CRIM1: variants seen among roughly 807,000 people sequenced by gnomAD.
CRIM1 encodes the protein cysteine-rich motor neuron 1 protein.
CRIM1 carries 32 observed loss-of-function variants against 116.4 expected under a neutral mutation model. The ratio of observed to expected loss-of-function variants is 0.27; its 90% confidence interval spans 0.21 to 0.37. The LOEUF is 0.37. Ranked by LOEUF, CRIM1 falls within the 10% of genes least tolerant of loss-of-function variation. The probability of loss-of-function intolerance (pLI) is 1.00; values close to 1 mark genes in which losing one functional copy is unlikely to be tolerated. For missense variants in CRIM1, 1,331 were observed against 1,354.8 expected, an observed-to-expected ratio of 0.98 and a Z score of 0.28; for synonymous variants, 590 against 509.2, an observed-to-expected ratio of 1.16 and a Z score of -2.13.
intron 8 of CRIM1, 106 bp from the exon 9 acceptor site, chr2:36,509,877 A>G (rs1681694098): frequency 2.0e-6 from 2 of 986,156 alleles, no homozygotes; most frequent in Admixed American, 2.4e-5. Context: ...GAGCTGAGAA[A>G]TTGAGATCTG....
chr2:36,451,912 T>C (rs1362418800), intron 4 of CRIM1, among the ~76,000 whole-genome samples: 1 of 139,642 alleles, frequency 7.2e-6, no homozygotes, highest in Non-Finnish European at 1.5e-5. Context: ...CATCAAATAA[T>C]ATTTCCTGTA....
chr2:36,379,654 G>A (rs1362721090), intron 1 of CRIM1, among the ~76,000 whole-genome samples: 2 of 151,890 alleles, frequency 1.3e-5, no homozygotes, highest in Admixed American at 1.3e-4. Context: ...CTAGTGTTGG[G>A]TCTTAGTAAA....
chr2:36,440,924 A>G (rs1464707485), intron 2 of CRIM1, among the ~76,000 whole-genome samples: 2 of 152,188 alleles, frequency 1.3e-5, no homozygotes, highest in African/African-American at 4.8e-5. Flanking sequence ...TCAGTTACTC[A>G]AGGAATGGGT....
At chr2:36,457,448 A>T (rs1300981553) in intron 4 of CRIM1, among the ~76,000 whole-genome samples, 1 of 152,154 alleles carries the variant, frequency 6.6e-6, no homozygotes, top group Non-Finnish European at 1.5e-5. Context: ...TACACAGGGG[A>T]GGGATGGCTG....
intron 2 of CRIM1, among the ~76,000 whole-genome samples, chr2:36,413,929 C>T (rs925068372): frequency 3.9e-5 from 6 of 152,132 alleles, no homozygotes; most frequent in African/African-American, 7.2e-5. Flanking sequence ...CAGAATGAAA[C>T]GGTGAGATCC....
At chr2:36,445,902 A>G (rs182387443) in intron 4 of CRIM1, among the ~76,000 whole-genome samples, 167 of 152,348 alleles carry the variant, frequency 1.1e-3, no homozygotes, top group Non-Finnish European at 2.0e-3. Context: ...ATATTTAGGC[A>G]TAAAGAAGAA....
Position 36,441,402 on chromosome 2 carries a change from G to A in CRIM1, c.650G>A (p.Cys217Tyr). ...CGCTGCGTGTGCAACCCCGCAGGCT[G>A]TCTGCGCAAAGTCTGCCAGCCGGGA... Reference protein sequence around the residue: ...PSRCVCNPAGCLRKVCQPGNL... With the variant: ...PSRCVCNPAGYLRKVCQPGNL... Residue 217 changes from cysteine to tyrosine, a missense_variant, in exon 3 of 17, where the codon TGT becomes TAT. Transcript: ENST00000280527. 6.2e-7 allele frequency: 1 copy of A among 1,614,198 alleles called. No individual in the cohort carries two copies. Among genetic ancestry groups the A allele is most frequent in the Non-Finnish European group, 8.5e-7 (1 of 1,180,044 alleles).
Position 36,425,892 on chromosome 2 carries a change from A to C in CRIM1, c.506-15366A>C, listed in dbSNP as rs917573459. On this transcript the variant is annotated intron_variant, in intron 2 of 16. Transcript: ENST00000280527. Reference sequence around the variant, plus strand: ...TCAGTTATTTATGAAACAGTGACCCAGAGGATCCATGTCATGTAGTGGTTT... The same window carrying C: ...TCAGTTATTTATGAAACAGTGACCCCGAGGATCCATGTCATGTAGTGGTTT... 2.6e-5 allele frequency among the ~76,000 whole-genome samples: 4 copies of C among 152,252 alleles called. No homozygotes were observed. In the East Asian group the frequency reaches 7.7e-4, roughly 29 times the overall value.
At chr2:36,390,284 GA>G in intron 1 of CRIM1, among the ~76,000 whole-genome samples, 1 of 152,254 alleles carries the variant, frequency 6.6e-6, no homozygotes, top group East Asian at 1.9e-4. Context: ...GAGCTGTTGG[GA>G]AAAAATAGGG....
At chr2:36,546,952 G>A (rs1251539156) in intron 15 of CRIM1, 32 bp from the exon 16 acceptor site, 7 of 1,269,934 alleles carry the variant, frequency 5.5e-6, no homozygotes, top group Admixed American at 4.2e-5. Flanking sequence ...TCTGGTTTAG[G>A]TAATAAATGC....
chr2:36,448,992 A>G (rs1222193274), intron 4 of CRIM1, among the ~76,000 whole-genome samples: 1 of 147,784 alleles, frequency 6.8e-6, no homozygotes, highest in Non-Finnish European at 1.5e-5. Flanking sequence ...CAAAAATCCT[A>G]TTTTATTTTT....
At chr2:36,431,062 C>CTG (rs150141795) in intron 2 of CRIM1, among the ~76,000 whole-genome samples, 14 of 151,658 alleles carry the variant, frequency 9.2e-5, no homozygotes, top group African/African-American at 1.7e-4. Flanking sequence ...TGTAAGAGGA[C>CTG]TGTGTGTGTG....
intron 2 of CRIM1, among the ~76,000 whole-genome samples, chr2:36,437,459 C>T (rs927737688): frequency 1.3e-5 from 2 of 151,838 alleles, no homozygotes; most frequent in Non-Finnish European, 2.9e-5. Flanking sequence ...ATGAACATTA[C>T]TCAAGTTTAT....
intron 2 of CRIM1, among the ~76,000 whole-genome samples, chr2:36,417,646 C>T (rs1026380951): frequency 2.0e-5 from 3 of 152,052 alleles, no homozygotes; most frequent in Admixed American, 6.6e-5. Context: ...ATATGAAGAT[C>T]CAGAATAAAT....
At position 36,524,448 on chromosome 2, in the gene CRIM1, C is replaced by A. The variant is rs183606141; in HGVS notation, c.2428+2135C>A. Among the ~76,000 whole-genome samples the A allele has an allele frequency of 5.1e-3, 772 of 151,608 alleles. 5 individuals carry two copies. Among genetic ancestry groups the A allele is most frequent in the African/African-American group, 0.018 (746 of 41,314 alleles). ...TATATATCAAAACTTTTTTTTTTAA[C>A]TTTTTAAGTTCAGAGGTACAAGTGC... On this transcript the variant is annotated intron_variant, in intron 13 of 16. Transcript: ENST00000280527.
intron 7 of CRIM1, among the ~76,000 whole-genome samples, chr2:36,492,076 T>C (rs1036392912): frequency 5.9e-5 from 9 of 152,158 alleles, no homozygotes; most frequent in Non-Finnish European, 1.3e-4. Context: ...TCCTATTAAA[T>C]ATGTTTTTGG....
intron 1 of CRIM1, among the ~76,000 whole-genome samples, chr2:36,382,396 T>C (rs1349971691): frequency 6.6e-6 from 1 of 152,270 alleles, no homozygotes; most frequent in East Asian, 1.9e-4. Flanking sequence ...CTGGAATCTC[T>C]CTGTGCTGAG....
chr2:36,548,346 G>A (rs1176642390), intron 16 of CRIM1, among the ~76,000 whole-genome samples, 179 bp from the exon 17 acceptor site: 1 of 148,950 alleles, frequency 6.7e-6, no homozygotes, highest in Non-Finnish European at 1.5e-5. Flanking sequence ...CAGTTTGTCA[G>A]TGTCCCTCAT....
In CRIM1 at chr2:36,547,126, G is replaced by T; in HGVS notation, c.2889G>T (p.Lys963Asn). The T allele has an allele frequency of 6.2e-7, 1 of 1,613,264 alleles. No individual in the cohort carries two copies. Among genetic ancestry groups the T allele is most frequent in the Non-Finnish European group, 8.5e-7 (1 of 1,179,510 alleles). ...TAGCATTCCTATTCATCAATCAGAAGAAACAGTGGATACCACTGCTTTGCT... is the reference window on the plus strand; with the variant it reads ...TAGCATTCCTATTCATCAATCAGAATAAACAGTGGATACCACTGCTTTGCT... Reference protein sequence around the residue: ...IIIAFLFINQKKQWIPLLCWY... With the variant: ...IIIAFLFINQNKQWIPLLCWY... Residue 963 changes from lysine (K) to asparagine (N), a missense_variant, in exon 16 of 17, where the codon AAG becomes AAT. Physicochemically the swap from Lys to Asn is moderately conservative, Grantham distance 94. Coordinates refer to ENST00000280527, the MANE Select transcript of CRIM1 (RefSeq NM_016441.3).
Sources: allele counts gnomAD v4.1 joint callset (sites outside exome capture counted in the v4.1 genomes callset), GRCh38; gene constraint gnomAD v4.1.1; transcripts MANE v1.5; gene names NCBI Gene and HGNC (gene_info 2026-07-23, HGNC 2026-07-21).